Variants in NRXN3 observed in about 807,000 individuals in gnomAD.
The protein encoded by NRXN3 is neurexin III.
In NRXN3, 32 loss-of-function variants were observed where a neutral mutation model predicts 137.6. The observed-to-expected ratio is 0.23, with a 90% CI of 0.18 to 0.31. NRXN3 has a LOEUF of 0.31. NRXN3 is among the 10% of genes least tolerant of loss of function. The probability of loss-of-function intolerance (pLI) is 1.00; values close to 1 mark genes in which losing one functional copy is unlikely to be tolerated. For missense variants in NRXN3, 1,574 were observed against 2,062.5 expected (o/e 0.76, Z 4.59); for synonymous variants, 798 against 784.5 (o/e 1.02, Z -0.29).
At chr14:78,696,082 C>T (rs2152786774) in intron 6 of NRXN3, among the ~76,000 whole-genome samples, 1 of 152,130 alleles carries the variant, frequency 6.6e-6, no homozygotes, top group East Asian at 1.9e-4. Context: ...TCTTAAGCCA[C>T]AGGCAGGAGA....
chr14:79,706,763 A>G (rs558874400), intron 19 of NRXN3, among the ~76,000 whole-genome samples: 1 of 152,312 alleles, frequency 6.6e-6, no homozygotes, highest in East Asian at 1.9e-4. Flanking sequence ...AAATTTACCT[A>G]AACTGCCATT....
chr14:79,340,831 A>C (rs1308651762), intron 15 of NRXN3, among the ~76,000 whole-genome samples: 1 of 152,116 alleles, frequency 6.6e-6, no homozygotes, highest in Non-Finnish European at 1.5e-5. Flanking sequence ...GCCAGAGAGG[A>C]TTCTAGTATT....
chr14:79,386,754 A>T (rs995703987), intron 15 of NRXN3, among the ~76,000 whole-genome samples: 3 of 152,158 alleles, frequency 2.0e-5, no homozygotes, highest in African/African-American at 7.2e-5. Flanking sequence ...CAAAACAGAG[A>T]TATAGATCAA....
intron 16 of NRXN3, among the ~76,000 whole-genome samples, chr14:79,475,878 G>A (rs1460843202): frequency 1.3e-5 from 2 of 152,160 alleles, no homozygotes; most frequent in Non-Finnish European, 2.9e-5. Flanking sequence ...GGTTATTGCA[G>A]TTATCAAGCT....
intron 4 of NRXN3, among the ~76,000 whole-genome samples, chr14:78,582,340 C>T (rs2097009411): frequency 6.6e-6 from 1 of 152,200 alleles, no homozygotes. Flanking sequence ...GAGAAGCAGC[C>T]ATGCTGATTC....
chr14:79,271,630 T>C (rs2079343792), intron 15 of NRXN3, among the ~76,000 whole-genome samples: 1 of 150,464 alleles, frequency 6.6e-6, no homozygotes, highest in African/African-American at 2.4e-5. Context: ...CTGTATCCCA[T>C]GGAATACCTC....
At chr14:79,015,787 C>G (rs1441635350) in intron 15 of NRXN3, among the ~76,000 whole-genome samples, 1 of 152,142 alleles carries the variant, frequency 6.6e-6, no homozygotes, top group African/African-American at 2.4e-5. Context: ...CACAGTAGTC[C>G]AACACCAGTA....
At chr14:78,816,805 T>C (rs1433150708) in intron 10 of NRXN3, among the ~76,000 whole-genome samples, 1 of 152,198 alleles carries the variant, frequency 6.6e-6, no homozygotes, top group African/African-American at 2.4e-5. Flanking sequence ...CTCACTCTTG[T>C]AACACACATC....
chr14:78,643,313 T>TTCCGG (rs2097653816), intron 4 of NRXN3, among the ~76,000 whole-genome samples: 1 of 152,150 alleles, frequency 6.6e-6, no homozygotes, highest in South Asian at 2.1e-4. Flanking sequence ...AATATAATTC[T>TTCCGG]CTCAACCTTA....
At chr14:78,196,624 G>A (rs1352724228) in intron 1 of NRXN3, among the ~76,000 whole-genome samples, 1 of 152,210 alleles carries the variant, frequency 6.6e-6, no homozygotes, top group Non-Finnish European at 1.5e-5. Flanking sequence ...TTCTCTGCAG[G>A]GAAGGTGCTG....
chr14:79,534,351 C>T lies in NRXN3; in HGVS notation c.3444+66949C>T, dbSNP rs373634704. Among the ~76,000 whole-genome samples the T allele has an allele frequency of 2.6e-5, 4 of 152,088 alleles. No homozygotes were observed. In the East Asian group the frequency reaches 7.7e-4, roughly 29 times the overall value. ...CTTCGTTGTAAGGGGACTGAGGGCA[C>T]AAGAGTTCTAAGACTGATAATCCCA... On this transcript the variant is annotated intron_variant, in intron 16 of 20. Coordinates refer to ENST00000335750, the MANE Select transcript of NRXN3 (RefSeq NM_001330195.2).
chr14:78,929,818 C>T (rs931844546), intron 10 of NRXN3, among the ~76,000 whole-genome samples: 1 of 152,058 alleles, frequency 6.6e-6, no homozygotes, highest in Non-Finnish European at 1.5e-5. Flanking sequence ...AGAGAAAAGA[C>T]CATTATTTAC....
intron 6 of NRXN3, among the ~76,000 whole-genome samples, chr14:78,666,127 C>A (rs2097884568): frequency 6.6e-6 from 1 of 151,928 alleles, no homozygotes. Flanking sequence ...AACACATATC[C>A]CAAAATCTAC....
At chr14:78,822,682 AAAAC>A (rs2098954346) in intron 10 of NRXN3, among the ~76,000 whole-genome samples, 1 of 150,354 alleles carries the variant, frequency 6.7e-6, no homozygotes, top group Non-Finnish European at 1.5e-5. Flanking sequence ...CTCAAAAAAC[AAAAC>A]AAACAACCAA....
At chr14:79,431,195 G>T (rs2095748318) in intron 15 of NRXN3, among the ~76,000 whole-genome samples, 1 of 152,156 alleles carries the variant, frequency 6.6e-6, no homozygotes, top group South Asian at 2.1e-4. Flanking sequence ...ACCTATCTAA[G>T]AATGGCAAGT....
chr14:78,243,638 G>A lies in NRXN3; in HGVS notation c.545G>A (p.Gly182Glu). ...FKGLILDLKY[G>E]NSEPRLLGSR... ...GGGTTAATTCTGGATCTCAAGTATG[G>A]AAACTCGGAGCCTCGGCTTCTGGGG... Residue 182 changes from glycine to glutamate, a missense_variant, in exon 2 of 21, where the codon GGA (glycine) becomes GAA (glutamate). Coordinates refer to ENST00000335750, the MANE Select transcript of NRXN3 (RefSeq NM_001330195.2). This position sits in a 1 kb window ranked among gnomAD's most constrained non-coding sequence, Gnocchi z 4.2. The A allele has an allele frequency of 6.3e-7, 1 of 1,598,440 alleles. No individual in the cohort carries two copies.
intron 10 of NRXN3, among the ~76,000 whole-genome samples, chr14:78,881,330 TGGAACA>T (rs2099128578): frequency 6.6e-6 from 1 of 151,580 alleles, no homozygotes; most frequent in Non-Finnish European, 1.5e-5. Context: ...ATACAGAGGA[TGGAACA>T]GTTTGGAGGG....
chr14:79,702,899 T>TAAAGTGTATTCTTTTACCG (rs2098760617), intron 19 of NRXN3, among the ~76,000 whole-genome samples: 1 of 48,468 alleles, frequency 2.1e-5, no homozygotes, highest in African/African-American at 8.3e-5. Context: ...GTCTTTTACC[T>TAAAGTGTATTCTTTTACCG]TATGTCTCCA....
At chr14:79,242,328 TC>T (rs1372028328) in intron 15 of NRXN3, among the ~76,000 whole-genome samples, 2 of 152,046 alleles carry the variant, frequency 1.3e-5, no homozygotes, top group Non-Finnish European at 2.9e-5. Context: ...GCAAGCCAGA[TC>T]TGAGGCCAAG....
Sources: allele counts gnomAD v4.1 joint callset (sites outside exome capture counted in the v4.1 genomes callset), GRCh38; gene constraint gnomAD v4.1.1; non-coding constraint Gnocchi (gnomAD v3.1); transcripts MANE v1.5; gene names NCBI Gene and HGNC (gene_info 2026-07-23, HGNC 2026-07-21).